SLC8A3: variants seen among roughly 807,000 people sequenced by gnomAD.
SLC8A3 encodes the protein solute carrier family 8 member A3.
A neutral mutation model predicts 65.4 loss-of-function variants in SLC8A3; 37 were observed. The observed-to-expected ratio is 0.57, with a 90% CI of 0.44 to 0.74. The LOEUF is 0.74. Among genes scored for constraint, SLC8A3 ranks in the 30% least tolerant of loss-of-function variants. The pLI is 0.00. For synonymous variants in SLC8A3, 461 were observed against 444.5 expected (o/e 1.04, Z -0.47); for missense variants, 1,112 against 1,172.1 (o/e 0.95, Z 0.75).
At chr14:70,144,390 A>C (rs967024433) in intron 2 of SLC8A3, among the ~76,000 whole-genome samples, 2 of 144,954 alleles carry the variant, frequency 1.4e-5, no homozygotes, top group Non-Finnish European at 3.0e-5. Flanking sequence ...AGCACTTTGG[A>C]AGGCCAAGGC....
intron 3 of SLC8A3, chr14:70,059,261 C>G (rs1331767187): frequency 6.6e-6 from 1 of 152,192 alleles, no homozygotes; most frequent in African/African-American, 2.4e-5. Flanking sequence ...ACTGAGAAGG[C>G]CTGTAGAGAA....
intron 3 of SLC8A3, among the ~76,000 whole-genome samples, chr14:70,053,577 C>T (rs1887735193): frequency 6.6e-6 from 1 of 152,234 alleles, no homozygotes; most frequent in Admixed American, 6.5e-5. Context: ...GACACAATAA[C>T]TTTATACCAA....
chr14:70,100,295 G>A (rs879412517), intron 2 of SLC8A3, among the ~76,000 whole-genome samples: 8 of 152,144 alleles, frequency 5.3e-5, no homozygotes, highest in Admixed American at 3.9e-4. Context: ...TTCCAGCCTC[G>A]GCCCAGTTGT....
At position 70,134,891 on chromosome 14, in the gene SLC8A3, C is replaced by A. The variant is rs554177069; in HGVS notation, c.1784+31748G>T. 2.6e-5 allele frequency among the ~76,000 whole-genome samples: 4 copies of A among 152,276 alleles called. No individual in the cohort carries two copies. In the South Asian group the frequency reaches 6.2e-4, roughly 24 times the overall value. ...TAAACCCTTGTACCTCAGAATGTGA[C>A]CTTACTTGGAAATAGAGTTACTACA... On this transcript the variant is annotated intron_variant, in intron 2 of 6. Transcript: ENST00000356921.
At chr14:70,080,461 A>G (rs189832084) in intron 2 of SLC8A3, among the ~76,000 whole-genome samples, 1 of 152,298 alleles carries the variant, frequency 6.6e-6, no homozygotes, top group East Asian at 1.9e-4. Flanking sequence ...GAGAAGATAA[A>G]GAGGACTGAC....
chr14:70,064,154 A>G (rs1889141061), intron 2 of SLC8A3, among the ~76,000 whole-genome samples: 15 of 152,154 alleles, frequency 9.9e-5, no homozygotes, highest in Admixed American at 9.8e-4. Context: ...ATATTTGAAG[A>G]CTGAAAAGAA....
chr14:70,187,622 TGTGTGTGTGTGTGTGTG>T (rs1566843417), intron 1 of SLC8A3, among the ~76,000 whole-genome samples: 37 of 128,980 alleles, frequency 2.9e-4, no homozygotes, highest in Non-Finnish European at 6.0e-4. Flanking sequence ...TGTGTGTGTG[TGTGTGTGTGTGTGTGTG>T]TCCGCGCGCG....
rs761697521 is a variant in SLC8A3, at chr14:70,167,565, C to G, written c.858G>C (p.Glu286Asp). 6.2e-7 allele frequency: 1 copy of G among 1,614,100 alleles called. No individual in the cohort carries two copies. Among genetic ancestry groups the G allele is most frequent in the East Asian group, 2.2e-5 (1 of 44,876 alleles). ...ETEGDHPKGIEMDGKMMNSHF... is the reference protein window; with the variant it reads ...ETEGDHPKGIDMDGKMMNSHF... ...GGGAATTCATCATTTTCCCATCCAT[C>G]TCAATGCCCTTAGGGTGGTCACCCT... Residue 286 changes from glutamate to aspartate, a missense_variant, in exon 2 of 7, where the codon GAG becomes GAC. Coordinates refer to ENST00000356921, the MANE Select transcript of SLC8A3 (RefSeq NM_182932.3).
At chr14:70,055,693 A>T (rs1888028735) in intron 3 of SLC8A3, 7 of 907,066 alleles carry the variant, frequency 7.7e-6, no homozygotes, top group Admixed American at 6.1e-5. Flanking sequence ...GGTTAACTTG[A>T]GCCTGCAGTT....
intron 3 of SLC8A3, among the ~76,000 whole-genome samples, chr14:70,052,341 C>T (rs1410712990): frequency 2.6e-5 from 4 of 152,114 alleles, no homozygotes; most frequent in Non-Finnish European, 4.4e-5. Context: ...CTCTTTTATA[C>T]CTGGGTGGAC....
At chr14:70,147,671 C>G (rs993987363) in intron 2 of SLC8A3, among the ~76,000 whole-genome samples, 1 of 152,162 alleles carries the variant, frequency 6.6e-6, no homozygotes, top group Non-Finnish European at 1.5e-5. Flanking sequence ...CTTGAAGAAG[C>G]AAGCCATGAG....
rs776516652 is a variant in SLC8A3 at position 70,166,630 on chromosome 14, G to C, written c.1784+9C>G. ...TCAGGGAGGGGCAGAATACAGGAAG[G>C]TTACTTACACAGTTTCATCATTCTT... On this transcript the variant is annotated intron_variant, in intron 2 of 6. Transcript: ENST00000356921. The C allele has an allele frequency of 2.0e-6, 3 of 1,517,320 alleles. No homozygotes were observed. In the Admixed American group the frequency reaches 5.4e-5, roughly 27 times the overall value. The allele number at this position is 1,517,320 out of a possible 1,614,324, so 94.0% of individuals were successfully genotyped here. A position where few individuals can be genotyped will look rare whatever the true frequency, so the allele number is the denominator to read the frequency against.
At chr14:70,069,666 C>A (rs1206878870) in intron 2 of SLC8A3, among the ~76,000 whole-genome samples, 1 of 152,164 alleles carries the variant, frequency 6.6e-6, no homozygotes, top group East Asian at 1.9e-4. Flanking sequence ...GAACCCCCCA[C>A]CGCCACCTGT....
intron 2 of SLC8A3, among the ~76,000 whole-genome samples, chr14:70,086,405 T>TC (rs949285207): frequency 1.8e-4 from 8 of 43,626 alleles, no homozygotes; most frequent in African/African-American, 5.1e-4. Context: ...TTTTTTCTTT[T>TC]TTTTTTTTTT....
chr14:70,185,170 T>C (rs758310829), intron 1 of SLC8A3, among the ~76,000 whole-genome samples: 3 of 152,164 alleles, frequency 2.0e-5, no homozygotes, highest in African/African-American at 4.8e-5. Context: ...TTTCACCATG[T>C]TGGCAAGGCT....
intron 2 of SLC8A3, chr14:70,063,953 A>T (rs1394369468): frequency 7.5e-7 from 1 of 1,331,054 alleles, no homozygotes; most frequent in Non-Finnish European, 1.1e-6. Flanking sequence ...AATAAGTATC[A>T]TAAGCAAGGA....
intron 2 of SLC8A3, among the ~76,000 whole-genome samples, chr14:70,141,290 C>T (rs192569533): frequency 1.3e-5 from 2 of 152,256 alleles, no homozygotes; most frequent in Admixed American, 6.5e-5. Flanking sequence ...CCCATTTAGA[C>T]CTTGCTGCAA....
rs1235419692 is a variant in SLC8A3 at position 70,168,357 on chromosome 14, CA to C, written c.65del (p.Val22GlyfsTer4). On this transcript the variant is annotated frameshift_variant, in exon 2 of 7. Coordinates refer to ENST00000356921, the MANE Select transcript of SLC8A3 (RefSeq NM_182932.3). LOFTEE classifies it high-confidence loss of function. ...CTGCTCGAAGACCATTCAGGAAGAG[CA>C]CAAAGGTAACCAGCCCAAAATGGAG... Reference protein sequence around the residue: ...AFLHFGLVTFVLFLNGLRAEA... With the variant: ...AFLHFGLVTFXLFLNGLRAEA... 6.2e-7 allele frequency: 1 copy of C among 1,614,016 alleles called. No individual in the cohort carries two copies. Among genetic ancestry groups the C allele is most frequent in the African/African-American group, 1.3e-5 (1 of 74,912 alleles).
At chr14:70,085,585 A>G (rs1438921384) in intron 2 of SLC8A3, among the ~76,000 whole-genome samples, 1 of 152,200 alleles carries the variant, frequency 6.6e-6, no homozygotes, top group African/African-American at 2.4e-5. Context: ...GGTAAATGTC[A>G]GGTATCATAA....
Sources: gnomAD v4.1 joint callset for allele counts (sites outside exome capture counted in the v4.1 genomes callset) on GRCh38, gnomAD v4.1.1 for gene constraint, MANE v1.5 for transcripts, NCBI Gene and HGNC (gene_info 2026-07-23, HGNC 2026-07-21) for gene names.